The following DSC3 variants were observed in gnomAD, a reference collection of about 807,000 sequenced individuals.
DSC3 encodes desmocollin-3.
DSC3 carries 97 observed loss-of-function variants against 89.5 expected under a neutral mutation model. That is an observed-to-expected ratio of 1.08 (90% CI 0.92 to 1.28). The LOEUF (loss-of-function observed/expected upper bound fraction) is 1.28. DSC3 is among the 50% of genes most tolerant of loss of function. The pLI is 0.00. For missense variants in DSC3, 1,199 were observed against 1,085.3 expected, an observed-to-expected ratio of 1.10 and a Z score of -1.47; for synonymous variants, 436 against 384.1, an observed-to-expected ratio of 1.14 and a Z score of -1.58.
chr18:31,010,311 ATT>A, intron 9 of DSC3, among the ~76,000 whole-genome samples: 1 of 152,318 alleles, frequency 6.6e-6, no homozygotes, highest in East Asian at 1.9e-4. Flanking sequence ...TGTTTCACAC[ATT>A]TCATGTGCTG....
chr18:31,004,303 G>C lies in DSC3; in HGVS notation c.1952C>G (p.Thr651Ser), dbSNP rs773978635. The change falls in exon 13 of 16, where the codon ACT becomes AGT. Residue 651 changes from threonine (T) to serine (S), a missense_variant. Thr to Ser is a moderately conservative substitution (Grantham distance 58, BLOSUM62 1). Transcript: ENST00000360428. ...AGCTTGGCCGGCCCTGTCTTTTACA[G>C]TAATAGGAATGGTATATTCTTGAAA... The part of the protein sequence containing the change: ...AGFQEYTIPI[T>S]VKDRAGQAAT... The C allele has an allele frequency of 5.0e-6, 8 of 1,613,964 alleles. No individual in the cohort carries two copies. In the East Asian group the frequency reaches 1.8e-4, roughly 36 times the overall value.
chr18:31,021,508 A>G (rs981162340), intron 7 of DSC3, among the ~76,000 whole-genome samples: 2 of 152,190 alleles, frequency 1.3e-5, no homozygotes, highest in East Asian at 1.9e-4. Context: ...TTTCTTTGGC[A>G]TCAAATCCCA....
At chr18:31,004,912 A>G (rs778613796) in intron 12 of DSC3, among the ~76,000 whole-genome samples, 7 of 152,226 alleles carry the variant, frequency 4.6e-5, no homozygotes, top group Non-Finnish European at 1.0e-4. Flanking sequence ...AAATATCTAT[A>G]TAACAATTCA....
At chr18:31,034,599 A>G (rs1352242663) in intron 1 of DSC3, among the ~76,000 whole-genome samples, 1 of 152,250 alleles carries the variant, frequency 6.6e-6, no homozygotes, top group East Asian at 1.9e-4. Flanking sequence ...ATTATTCACA[A>G]TAGGCAAAAA....
intron 1 of DSC3, among the ~76,000 whole-genome samples, chr18:31,032,700 A>G (rs1985841958): frequency 6.6e-6 from 1 of 151,838 alleles, no homozygotes. Context: ...GCTTCAAGCA[A>G]TTCTCCTGCC....
chr18:30,995,971 T>TAAAAAAAAAAAAAAAAAAAAAAAAAAAA (rs1196444633), intron 15 of DSC3, among the ~76,000 whole-genome samples: 3 of 37,018 alleles, frequency 8.1e-5, no homozygotes, highest in African/African-American at 2.6e-4. Flanking sequence ...GACCCTGCCT[T>TAAAAAAAAAAAAAAAAAAAAAAAAAAAA]AAAAAAAAAA....
At chr18:31,032,589 T>TGTGTGTGC (rs761698669) in intron 1 of DSC3, among the ~76,000 whole-genome samples, 12 of 112,600 alleles carry the variant, frequency 1.1e-4, no homozygotes, top group African/African-American at 4.2e-4. Context: ...TGTGTGTGTG[T>TGTGTGTGC]GCGTGTGCGT....
chr18:31,008,953 C>T (rs1321709072), intron 9 of DSC3, among the ~76,000 whole-genome samples: 1 of 152,146 alleles, frequency 6.6e-6, no homozygotes, highest in East Asian at 1.9e-4. Context: ...CATTTTATAA[C>T]TCTTGTAAAG....
chr18:31,009,484 T>C (rs749018285), intron 9 of DSC3, among the ~76,000 whole-genome samples: 13 of 152,228 alleles, frequency 8.5e-5, no homozygotes, highest in African/African-American at 9.6e-5. Flanking sequence ...GGTTCCTTCA[T>C]GAATGAGTTA....
chr18:30,995,971 T>TAAAAAAAAAAAAAAAAAAAAAAAAAAAAA (rs1196444633), intron 15 of DSC3, among the ~76,000 whole-genome samples: 6 of 37,020 alleles, frequency 1.6e-4, no homozygotes, highest in Non-Finnish European at 2.6e-4. Flanking sequence ...GACCCTGCCT[T>TAAAAAAAAAAAAAAAAAAAAAAAAAAAAA]AAAAAAAAAA....
chr18:31,002,822 C>G, intron 13 of DSC3, among the ~76,000 whole-genome samples: 1 of 151,968 alleles, frequency 6.6e-6, no homozygotes, highest in Admixed American at 6.6e-5. Flanking sequence ...ATTTTTATAG[C>G]AGTGTTACTG....
At chr18:31,031,312 C>T (rs1985784944) in intron 2 of DSC3, 140 bp from the exon 3 acceptor site, 3 of 610,644 alleles carry the variant, frequency 4.9e-6, no homozygotes, top group Non-Finnish European at 8.3e-6. Flanking sequence ...GATATCTTAA[C>T]CTGTTTTTTA....
In DSC3 at chr18:30,994,214, G is replaced by T; in HGVS notation, c.2652C>A (p.Pro884=). ...ATGCTTCTGCTAATGTAATAAATTT[G>T]GGTTCCAAATTATTTAAAAAGTCAA... is the stretch of plus-strand genomic sequence containing the variant. ...DGLDFLNNLE[P]KFITLAEACT... Residue 884 remains proline, a synonymous_variant, in exon 16 of 16, where the codon CCC becomes CCA. Coordinates refer to ENST00000360428, the MANE Select transcript of DSC3 (RefSeq NM_001941.5). 1 of 1,613,914 alleles carries T rather than the reference G, an allele frequency of 6.2e-7. No individual in the cohort carries two copies.
chr18:31,039,255 T>A (rs910257410), intron 1 of DSC3, among the ~76,000 whole-genome samples: 13 of 152,178 alleles, frequency 8.5e-5, no homozygotes, highest in African/African-American at 2.4e-4. Context: ...TAAATCCTGA[T>A]GGAAAAATTT....
At chr18:31,030,315 T>C (rs929989978) in intron 3 of DSC3, among the ~76,000 whole-genome samples, 1 of 152,248 alleles carries the variant, frequency 6.6e-6, no homozygotes, top group Non-Finnish European at 1.5e-5. Context: ...ACATTTTATT[T>C]CATAAGAATT....
In DSC3 at chr18:30,989,508, G is replaced by T; in HGVS notation, c.*4667C>A. On this transcript the variant is annotated 3_prime_UTR_variant, in exon 16 of 16. Coordinates refer to ENST00000360428, the MANE Select transcript of DSC3 (RefSeq NM_001941.5). The stretch of plus-strand genomic sequence containing the variant: ...GGTTTCCTCTTGGGGTGATGAAAAT[G>T]TTCCAGAACTAGATAGTGGTAACAG... 6.6e-6 allele frequency among the ~76,000 whole-genome samples: 1 copy of T among 152,140 alleles called. No individual in the cohort carries two copies. Among genetic ancestry groups the T allele is most frequent in the Non-Finnish European group, 1.5e-5 (1 of 68,032 alleles).
chr18:31,019,285 T>C (rs1985340554), intron 7 of DSC3, among the ~76,000 whole-genome samples: 2 of 152,030 alleles, frequency 1.3e-5, no homozygotes, highest in African/African-American at 4.8e-5. Context: ...GAGACGGGGT[T>C]TCACCATGTT....
intron 9 of DSC3, among the ~76,000 whole-genome samples, chr18:31,016,986 T>C (rs938740991): frequency 6.6e-6 from 1 of 152,168 alleles, no homozygotes; most frequent in African/African-American, 2.4e-5. Context: ...CATTCTACTT[T>C]CTGGAGAGTC....
chr18:31,036,202 A>T (rs1168857810), intron 1 of DSC3, among the ~76,000 whole-genome samples: 1 of 152,156 alleles, frequency 6.6e-6, no homozygotes, highest in East Asian at 1.9e-4. Flanking sequence ...AGCATATTAA[A>T]TCTCTCTATT....
Sources: gnomAD v4.1 joint callset for allele counts (sites outside exome capture counted in the v4.1 genomes callset) on GRCh38, gnomAD v4.1.1 for gene constraint, MANE v1.5 for transcripts, NCBI Gene and HGNC (gene_info 2026-07-23, HGNC 2026-07-21) for gene names.